The following CDC37L1 variants were observed in gnomAD, a reference collection of about 807,000 sequenced individuals.
CDC37L1 encodes the protein cell division cycle 37 like 1, HSP90 cochaperone.
Under a neutral mutation model 45.9 loss-of-function variants are expected in CDC37L1, and 32 were observed. The observed-to-expected ratio is 0.70, with a 90% CI of 0.53 to 0.94. The LOEUF (loss-of-function observed/expected upper bound fraction) is 0.94. Among genes scored for constraint, CDC37L1 ranks in the 40% least tolerant of loss-of-function variants. The pLI, the probability that CDC37L1 is intolerant of heterozygous loss-of-function variation, is 0.00. For synonymous variants in CDC37L1, 150 were observed against 133.0 expected, an observed-to-expected ratio of 1.13 and a Z score of -0.88; for missense variants, 434 against 405.7, an observed-to-expected ratio of 1.07 and a Z score of -0.60.
Position 4,682,159 on chromosome 9 carries a change from C to CTTTTTTTTTTTTTTTTT in CDC37L1, c.132+2261_132+2262insTTTTTTTTTTTTTTTTT, listed in dbSNP as rs1563766411. On this transcript the variant is annotated intron_variant, in intron 1 of 6. Coordinates refer to ENST00000381854, the MANE Select transcript of CDC37L1 (RefSeq NM_017913.4). The stretch of plus-strand genomic sequence containing the variant: ...TACTTTTCTTGATATATTATCCTTT[C>CTTTTTTTTTTTTTTTTT]TCTTTTTTTTTTTTTTTTTTTGAGG... Among the ~76,000 whole-genome samples the CTTTTTTTTTTTTTTTTT allele has an allele frequency of 4.1e-5, 2 of 48,466 alleles. 1 individual carries two copies. Among genetic ancestry groups the CTTTTTTTTTTTTTTTTT allele is most frequent in the Non-Finnish European group, 7.3e-5 (2 of 27,544 alleles). 31.8% of individuals were successfully genotyped at this position (48,466 alleles called of 152,430 possible).
intron 1 of CDC37L1, among the ~76,000 whole-genome samples, chr9:4,680,764 T>C (rs1841184936): frequency 6.6e-6 from 1 of 152,238 alleles, no homozygotes; most frequent in African/African-American, 2.4e-5. Flanking sequence ...CAATGGATCA[T>C]AAGTGTCTGC....
At chr9:4,693,352 A>T (rs1262101103) in intron 3 of CDC37L1, among the ~76,000 whole-genome samples, 1 of 151,820 alleles carries the variant, frequency 6.6e-6, no homozygotes, top group Non-Finnish European at 1.5e-5. Context: ...CTGAGGTGGG[A>T]GGATCTCTTG....
At chr9:4,692,763 A>G (rs918009160) in intron 3 of CDC37L1, among the ~76,000 whole-genome samples, 10 of 152,230 alleles carry the variant, frequency 6.6e-5, no homozygotes, top group African/African-American at 2.2e-4. Context: ...AAGAATCAAA[A>G]TGGCTTAACA....
intron 3 of CDC37L1, among the ~76,000 whole-genome samples, chr9:4,695,670 C>CT (rs1260691902): frequency 2.0e-5 from 3 of 151,984 alleles, no homozygotes; most frequent in Non-Finnish European, 4.4e-5. Flanking sequence ...AATTTTTAAG[C>CT]TTTTTCTGTA....
rs974672744 is a variant in CDC37L1, at chr9:4,707,778, C to T, written c.*1666C>T. The stretch of plus-strand genomic sequence containing the variant: ...GCAAGCTCTTATTTTTCCCTTTCTA[C>T]CAAATTGAGAGAATGGGCAGACACA... On this transcript the variant is annotated 3_prime_UTR_variant, in exon 7 of 7. Coordinates refer to ENST00000381854, the MANE Select transcript of CDC37L1 (RefSeq NM_017913.4). 6.6e-6 allele frequency: 1 copy of T among 151,638 alleles called. No homozygotes were observed. Among genetic ancestry groups the T allele is most frequent in the Non-Finnish European group, 1.5e-5 (1 of 67,968 alleles). The allele number at this position is 151,638 out of a possible 1,614,324, so 9.4% of individuals were successfully genotyped here. A position where few individuals can be genotyped will look rare whatever the true frequency, so the allele number is the denominator to read the frequency against.
chr9:4,694,549 C>G (rs1361539428), intron 3 of CDC37L1, among the ~76,000 whole-genome samples: 1 of 152,026 alleles, frequency 6.6e-6, no homozygotes, highest in Admixed American at 6.6e-5. Flanking sequence ...AGTGTTAATT[C>G]GTCTCAGGTA....
intron 1 of CDC37L1, among the ~76,000 whole-genome samples, 183 bp downstream of exon 1, chr9:4,680,082 G>C (rs1841175396): frequency 6.6e-6 from 1 of 152,198 alleles, no homozygotes. Context: ...TCGGAGGGCA[G>C]ACGGGGTGGC....
Position 4,679,872 on chromosome 9 carries a change from C to T in CDC37L1, c.105C>T (p.Cys35=). ...ACGTGTTCCCCAGTTCTCCCCGCTG[C>T]CCGCAGCTGCCAGGCGGCGGCGCCC... is the stretch of plus-strand genomic sequence containing the variant. The part of the protein sequence containing the change: ...DFDVFPSSPR[C]PQLPGGGAQM... Residue 35 remains cysteine, a synonymous_variant, in exon 1 of 7, where the codon TGC becomes TGT. Coordinates refer to ENST00000381854, the MANE Select transcript of CDC37L1 (RefSeq NM_017913.4). 6.2e-7 allele frequency: 1 copy of T among 1,613,898 alleles called. No homozygotes were observed. The highest frequency in any genetic ancestry group is 1.3e-5 in the African/African-American group (1 of 75,068).
At chr9:4,687,149 T>G (rs1006224895) in intron 2 of CDC37L1, among the ~76,000 whole-genome samples, 6 of 152,196 alleles carry the variant, frequency 3.9e-5, no homozygotes, top group African/African-American at 1.4e-4. Context: ...GCTTCCTGAT[T>G]ATAAACTGGC....
At chr9:4,696,273 G>C (rs1313357310) in intron 3 of CDC37L1, among the ~76,000 whole-genome samples, 1 of 152,154 alleles carries the variant, frequency 6.6e-6, no homozygotes, top group Non-Finnish European at 1.5e-5. Context: ...TCTTGAGTCA[G>C]CTCTACAAAA....
Position 4,679,796 on chromosome 9 carries a change from C to T in CDC37L1, c.29C>T (p.Pro10Leu), listed in dbSNP as rs758959917. The T allele has an allele frequency of 2.4e-5, 39 of 1,613,612 alleles. No homozygotes were observed. Among genetic ancestry groups the T allele is most frequent in the Non-Finnish European group, 3.1e-5 (36 of 1,179,780 alleles). The change falls in exon 1 of 7, where the codon CCC becomes CTC. Residue 10 changes from proline to leucine, a missense_variant. Transcript: ENST00000381854. ...GAACAACCGTGGCCGCCTCCGGGAC[C>T]CTGGAGCCTCCCTCGGGCCGAGGGT... Reference protein sequence around the residue: MEQPWPPPGPWSLPRAEGEA... With the variant: MEQPWPPPGLWSLPRAEGEA...
In CDC37L1 at chr9:4,679,631, A is replaced by T. The variant is rs370488827; in HGVS notation, c.-137A>T. On this transcript the variant is annotated 5_prime_UTR_variant, in exon 1 of 7. Transcript: ENST00000381854. ...CCGGGTGTGCAGCGGCGTCGCGGCCAGTAGAGGGATTCTGGGTAACGGCCC... is the reference window on the plus strand; with the variant it reads ...CCGGGTGTGCAGCGGCGTCGCGGCCTGTAGAGGGATTCTGGGTAACGGCCC... 13 of 728,064 alleles carry T rather than the reference A, an allele frequency of 1.8e-5. No homozygotes were observed. Among genetic ancestry groups the T allele is most frequent in the Non-Finnish European group, 2.8e-5 (13 of 466,684 alleles). The allele number at this position is 728,064 out of a possible 1,614,324, so 45.1% of individuals were successfully genotyped here.
rs1300279529 is a variant in CDC37L1 at position 4,684,965 on chromosome 9, C to T, written c.221C>T (p.Ala74Val). The change falls in exon 2 of 7, where the codon GCT becomes GTT. Residue 74 changes from alanine to valine, a missense_variant. Physicochemically the swap from Ala to Val is moderately conservative, Grantham distance 64. Transcript: ENST00000381854. ...SVACKWNLAE[A>V]QQKLGSLALH... ...GCGTGCAAATGGAATCTTGCTGAAG[C>T]TCAACAGAAACTTGGTAGCTTAGCA... is the stretch of plus-strand genomic sequence containing the variant. 9.3e-6 allele frequency: 15 copies of T among 1,613,852 alleles called. No individual in the cohort carries two copies. The highest frequency in any genetic ancestry group is 1.3e-5 in the African/African-American group (1 of 74,924).
chr9:4,684,478 T>A (rs1304692561), intron 1 of CDC37L1, among the ~76,000 whole-genome samples: 1 of 152,192 alleles, frequency 6.6e-6, no homozygotes, highest in Non-Finnish European at 1.5e-5. Flanking sequence ...TAGTGAAGAA[T>A]TTGGAGAACA....
At position 4,705,985 on chromosome 9, in the gene CDC37L1, C is replaced by G. The variant is rs150228239; in HGVS notation, c.913-26C>G. ...GTTATAATGCGTTCTTTTTCTCCCC[C>G]CAATCTACCTTTTCTTTTTCCCCAG... On this transcript the variant is annotated intron_variant, in intron 6 of 6. Transcript: ENST00000381854. 2.3e-4 allele frequency: 263 copies of G among 1,137,808 alleles called. No individual in the cohort carries two copies. In the African/African-American group the frequency reaches 3.7e-3, roughly 16 times the overall value. 70.5% of individuals were successfully genotyped at this position (1,137,808 alleles called of 1,614,324 possible).
intron 6 of CDC37L1, 81 bp from the exon 7 acceptor site, chr9:4,705,930 A>G: frequency 1.7e-6 from 1 of 604,680 alleles, no homozygotes; most frequent in Non-Finnish European, 3.1e-6. Context: ...GGTGAAACTG[A>G]ATATATATGT....
chr9:4,680,823 A>T (rs918367982), intron 1 of CDC37L1, among the ~76,000 whole-genome samples: 3 of 152,222 alleles, frequency 2.0e-5, no homozygotes, highest in African/African-American at 7.2e-5. Flanking sequence ...ATTTAATAGT[A>T]GTTTTCCTCT....
Position 4,701,997 on chromosome 9 carries a change from G to C in CDC37L1, c.881G>C (p.Gly294Ala). 1 of 1,511,896 alleles carries C rather than the reference G, an allele frequency of 6.6e-7. No homozygotes were observed. Among genetic ancestry groups the C allele is most frequent in the South Asian group, 1.3e-5 (1 of 76,114 alleles). 93.7% of individuals were successfully genotyped at this position (1,511,896 alleles called of 1,614,324 possible). A position where few individuals can be genotyped will look rare whatever the true frequency, so the allele number is the denominator to read the frequency against. Residue 294 changes from glycine to alanine, a missense_variant, in exon 6 of 7, where the codon GGA (glycine) becomes GCA (alanine). Transcript: ENST00000381854. ...AATCATGTTCCCCATTCTGGTGTTG[G>C]ATCTATAGGTTTATTAGAATCCTTA... is the stretch of plus-strand genomic sequence containing the variant. ...VQNHVPHSGV[G>A]SIGLLESLPQ...
In CDC37L1 at chr9:4,707,153, C is replaced by T. The variant is rs572343858; in HGVS notation, c.*1041C>T. The T allele has an allele frequency of 3.3e-5, 5 of 152,188 alleles. No individual in the cohort carries two copies. Among genetic ancestry groups the T allele is most frequent in the African/African-American group, 1.2e-4 (5 of 41,526 alleles). 9.4% of individuals were successfully genotyped at this position (152,188 alleles called of 1,614,324 possible). A position where few individuals can be genotyped will look rare whatever the true frequency, so the allele number is the denominator to read the frequency against. On this transcript the variant is annotated 3_prime_UTR_variant, in exon 7 of 7. Coordinates refer to ENST00000381854, the MANE Select transcript of CDC37L1 (RefSeq NM_017913.4). ...CTCTTATTGGTAATGATGGCATTTA[C>T]AACATTTGGCATTTCCCCTTTTTCA...
Sources: allele counts gnomAD v4.1 joint callset (sites outside exome capture counted in the v4.1 genomes callset), GRCh38; gene constraint gnomAD v4.1.1; transcripts MANE v1.5; gene names NCBI Gene and HGNC (gene_info 2026-07-23, HGNC 2026-07-21).